The following OPHN1 variants were observed in gnomAD, a reference collection of about 807,000 sequenced individuals.
OPHN1 encodes the protein oligophrenin-1.
Under a neutral mutation model 60.7 loss-of-function variants are expected in OPHN1, and 11 were observed. The ratio of observed to expected loss-of-function variants is 0.18; its 90% CI spans 0.11 to 0.30. OPHN1 has a LOEUF of 0.30. Among genes scored for constraint, OPHN1 ranks in the 10% least tolerant of loss-of-function variants. The pLI is 1.00. For missense variants in OPHN1, 449 were observed against 611.0 expected, an observed-to-expected ratio of 0.73 and a Z score of 2.80; for synonymous variants, 226 against 222.6, an observed-to-expected ratio of 1.02 and a Z score of -0.14.
intron 5 of OPHN1, among the ~76,000 whole-genome samples, chrX:68,259,305 G>T (rs2077881814): frequency 9.0e-6 from 1 of 110,808 alleles, no homozygotes; most frequent in South Asian, 3.9e-4. Context: ...TTAAAAATTT[G>T]TGAGGTTTGG....
At chrX:68,132,756 G>T (rs866347643) in intron 15 of OPHN1, 3 of 95,877 alleles carry the variant, frequency 3.1e-5, no homozygotes, top group Middle Eastern at 4.4e-3. Context: ...AAAAAAAAAA[G>T]AAAAAAAGAA....
intron 4 of OPHN1, among the ~76,000 whole-genome samples, chrX:68,277,222 T>A (rs746582132): frequency 9.0e-6 from 1 of 111,558 alleles, no homozygotes; most frequent in East Asian, 2.9e-4. Flanking sequence ...TAGATTGTCA[T>A]AAACAGCATG....
chrX:68,235,537 A>G (rs1402782067), intron 5 of OPHN1, among the ~76,000 whole-genome samples: 1 of 111,005 alleles, frequency 9.0e-6, no homozygotes. Flanking sequence ...GACCTGTGAC[A>G]TATAAGAAAT....
chrX:68,268,243 G>A (rs1469644432), intron 5 of OPHN1, among the ~76,000 whole-genome samples: 1 of 111,448 alleles, frequency 9.0e-6, no homozygotes, highest in African/African-American at 3.3e-5. Context: ...CATTTTATGA[G>A]GCCAGCATCA....
chrX:68,208,619 C>T (rs2077570773), intron 9 of OPHN1, among the ~76,000 whole-genome samples: 1 of 112,087 alleles, frequency 8.9e-6, no homozygotes. Context: ...TGCACAGTAT[C>T]TGGCAGAAAC....
chrX:68,253,957 G>A (rs774721411), intron 5 of OPHN1, among the ~76,000 whole-genome samples: 21 of 112,134 alleles, frequency 1.9e-4, no homozygotes, highest in South Asian at 3.7e-4. Flanking sequence ...TGGTATGTAC[G>A]CCCTGCGTCT....
intron 2 of OPHN1, among the ~76,000 whole-genome samples, chrX:68,362,837 A>G (rs1464977052): frequency 9.0e-6 from 1 of 111,672 alleles, no homozygotes; most frequent in African/African-American, 3.2e-5. Flanking sequence ...AATTGTAACA[A>G]ATGTCTCACA....
chrX:68,405,753 AT>A (rs938089188), intron 2 of OPHN1, among the ~76,000 whole-genome samples: 1 of 111,974 alleles, frequency 8.9e-6, no homozygotes, highest in Non-Finnish European at 1.9e-5. Context: ...CCACATTCCC[AT>A]TTTTTAACCT....
intron 19 of OPHN1, among the ~76,000 whole-genome samples, chrX:68,080,190 T>C (rs1235909976): frequency 1.8e-5 from 2 of 112,242 alleles, no homozygotes; most frequent in South Asian, 3.7e-4. Context: ...TCTGGCCACA[T>C]CCTGAAATCT....
At chrX:68,312,969 T>C (rs754061003) in intron 2 of OPHN1, among the ~76,000 whole-genome samples, 35 of 110,970 alleles carry the variant, frequency 3.2e-4, no homozygotes, top group African/African-American at 9.8e-4. Flanking sequence ...CTGGGTGTGG[T>C]GGTACATGCC....
intron 2 of OPHN1, among the ~76,000 whole-genome samples, chrX:68,328,335 A>G (rs1208260702): frequency 9.1e-6 from 1 of 109,344 alleles, no homozygotes; most frequent in Non-Finnish European, 1.9e-5. Context: ...TCACCATGTT[A>G]GCCAAGATGG....
intron 15 of OPHN1, among the ~76,000 whole-genome samples, chrX:68,137,690 T>C (rs1477261385): frequency 8.9e-6 from 1 of 112,049 alleles, no homozygotes; most frequent in East Asian, 2.8e-4. Flanking sequence ...ATGAGTGAAA[T>C]AGTTGTGCAT....
intron 15 of OPHN1, among the ~76,000 whole-genome samples, chrX:68,159,818 T>C (rs1366173341): frequency 9.0e-6 from 1 of 110,688 alleles, no homozygotes; most frequent in Non-Finnish European, 1.9e-5. Context: ...ATTAAAATGT[T>C]ACAACAAAAA....
At chrX:68,317,539 A>AAAAAAAG (rs2078212206) in intron 2 of OPHN1, among the ~76,000 whole-genome samples, 2 of 58,949 alleles carry the variant, frequency 3.4e-5, no homozygotes, top group Non-Finnish European at 5.3e-5. Flanking sequence ...AAGAAAGAAA[A>AAAAAAAG]AAAGAAAGAA....
rs184955359 is a variant in OPHN1, at chrX:68,231,368, C to G, written c.486+3119G>C. On this transcript the variant is annotated intron_variant, in intron 6 of 24. Transcript: ENST00000355520. ...TTGTTCATGGAAATAAAAACTGCTACAGTCAATTTGGAAGACAGTTTGGCA... is the reference window on the plus strand; with the variant it reads ...TTGTTCATGGAAATAAAAACTGCTAGAGTCAATTTGGAAGACAGTTTGGCA... Among the ~76,000 whole-genome samples the G allele has an allele frequency of 2.7e-5, 3 of 111,980 alleles. No homozygotes were observed. The East Asian group carries it at 8.4e-4, about 31-fold the overall frequency.
chrX:68,292,699 C>A (rs1365592829), intron 3 of OPHN1, among the ~76,000 whole-genome samples: 1 of 111,597 alleles, frequency 9.0e-6, no homozygotes, highest in Non-Finnish European at 1.9e-5. Context: ...CCAATTATCA[C>A]CTTCTCATAT....
In OPHN1 at chrX:68,399,994, C is replaced by A. The variant is rs369975013; in HGVS notation, c.154+32873G>T. ...GCTCTGATTGGTTGCTTTCTGTAAC[C>A]AATAGGATGTTTGCAGAGGAGTGTG... On this transcript the variant is annotated intron_variant, in intron 2 of 24. Coordinates refer to ENST00000355520, the MANE Select transcript of OPHN1 (RefSeq NM_002547.3). Among the ~76,000 whole-genome samples, 3 of 110,137 alleles carry A rather than the reference C, an allele frequency of 2.7e-5. No individual in the cohort carries two copies. The East Asian group carries it at 8.7e-4, about 32-fold the overall frequency.
intron 19 of OPHN1, among the ~76,000 whole-genome samples, chrX:68,083,933 C>G (rs939344595): frequency 9.0e-6 from 1 of 110,543 alleles, no homozygotes; most frequent in Non-Finnish European, 1.9e-5. Flanking sequence ...GTTCATGGAG[C>G]CGCAAAACAA....
At chrX:68,107,235 G>C (rs1055948101) in intron 18 of OPHN1, among the ~76,000 whole-genome samples, 2 of 110,959 alleles carry the variant, frequency 1.8e-5, no homozygotes, top group Admixed American at 1.9e-4. Context: ...TTCAAATTTG[G>C]ATCCAAACAA....
Sources: gnomAD v4.1 joint callset for allele counts (sites outside exome capture counted in the v4.1 genomes callset) on GRCh38, gnomAD v4.1.1 for gene constraint, MANE v1.5 for transcripts, NCBI Gene and HGNC (gene_info 2026-07-23, HGNC 2026-07-21) for gene names.